MRTFB: variants seen among roughly 807,000 people sequenced by gnomAD.
MRTFB encodes the protein myocardin related transcription factor B, also known as myocardin-related transcription factor B.
MRTFB carries 29 observed loss-of-function variants against 104.2 expected under a neutral mutation model. That is an observed-to-expected ratio of 0.28 (90% confidence interval 0.21 to 0.38). The LOEUF (loss-of-function observed/expected upper bound fraction) is 0.38, where lower values mean the gene tolerates loss of function less well. Ranked by LOEUF, MRTFB falls within the 10% of genes least tolerant of loss-of-function variation. The pLI is 1.00. For missense variants in MRTFB, 1,270 were observed against 1,341.6 expected (o/e 0.95, Z 0.83); for synonymous variants, 535 against 519.5 (o/e 1.03, Z -0.41).
chr16:14,038,684 T>C, the MRTFB span, among the ~76,000 whole-genome samples: 1 of 152,152 alleles, frequency 6.6e-6, no homozygotes, highest in African/African-American at 2.4e-5. Context: ...CTTCAACCAA[T>C]ACACAGTTAT....
intron 3 of MRTFB, among the ~76,000 whole-genome samples, chr16:14,193,268 T>C (rs2040275861): frequency 6.7e-6 from 1 of 148,964 alleles, no homozygotes. Context: ...GTAATCCTAT[T>C]CCGTTGTGTC....
upstream of MRTFB, among the ~76,000 whole-genome samples, chr16:14,067,366 G>A (rs1375087371): frequency 1.3e-5 from 2 of 151,910 alleles, no homozygotes; most frequent in African/African-American, 4.8e-5. Flanking sequence ...GGGATTATAG[G>A]CATGCGCCAC....
rs2041562016 is a variant in MRTFB at position 14,219,026 on chromosome 16, A to G, written c.693+28A>G. On this transcript the variant is annotated intron_variant, in intron 8 of 16. Coordinates refer to ENST00000571589, the MANE Select transcript of MRTFB (RefSeq NM_001308142.2). ...ATTATCTTTCTGGTTTTGACCCCTA[A>G]AGAAAGAAAATGCCTTGTTTTTTTT... The G allele has an allele frequency of 1.9e-6, 3 of 1,548,134 alleles. No homozygotes were observed. In the East Asian group the frequency reaches 6.9e-5, roughly 36 times the overall value.
the MRTFB span, among the ~76,000 whole-genome samples, chr16:14,046,011 G>A: frequency 6.6e-6 from 1 of 152,172 alleles, no homozygotes. Context: ...ACTAAGTCAT[G>A]CGGGATCTGA....
chr16:14,094,988 T>G (rs1389491202), intron 2 of MRTFB, among the ~76,000 whole-genome samples: 1 of 152,200 alleles, frequency 6.6e-6, no homozygotes, highest in Non-Finnish European at 1.5e-5. Context: ...TAAAGCCACT[T>G]TAAACATCAC....
At position 14,263,512 on chromosome 16, in the gene MRTFB, T is replaced by C. The variant is rs1418589144; in HGVS notation, c.*2068T>C. 6.6e-6 allele frequency: 1 copy of C among 152,212 alleles called. No homozygotes were observed. Among genetic ancestry groups the C allele is most frequent in the Non-Finnish European group, 1.5e-5 (1 of 68,040 alleles). The allele number at this position is 152,212 out of a possible 1,614,324, so 9.4% of individuals were successfully genotyped here. The stretch of plus-strand genomic sequence containing the variant: ...TGGCTTATTAAATTAGCACCAAATA[T>C]CAGTGGGACTGTAGAAGGTAACCGA... On this transcript the variant is annotated 3_prime_UTR_variant, in exon 17 of 17. Transcript: ENST00000571589.
rs1283799661 is a variant in MRTFB at position 14,234,247 on chromosome 16, T to C, written c.795T>C (p.Thr265=). The C allele has an allele frequency of 2.5e-6, 4 of 1,614,138 alleles. No individual in the cohort carries two copies. The Admixed American group carries it at 5.0e-5, about 20-fold the overall frequency. ...RPAAPVLPTN[T]VSSAKPGPAL... ...CAGCTCCTGTCCTCCCCACAAACAC[T>C]GTGTCCTCAGCAAAGCCTGGCCCAG... Residue 265 remains threonine (T), a synonymous_variant, in exon 9 of 17, where the codon ACT becomes ACC. Coordinates refer to ENST00000571589, the MANE Select transcript of MRTFB (RefSeq NM_001308142.2).
At chr16:14,010,645 C>T in the MRTFB span, among the ~76,000 whole-genome samples, 71,559 of 151,500 alleles carry the variant, frequency 0.47, 17,179 homozygotes, top group Middle Eastern at 0.62. Flanking sequence ...AGGCTGGTCT[C>T]GAACTCCTGG....
the MRTFB span, chr16:14,019,093 C>T: frequency 6.6e-6 from 1 of 152,386 alleles, no homozygotes; most frequent in African/African-American, 2.4e-5. Flanking sequence ...CAGCATTCTT[C>T]CCTCTGGAAC....
At chr16:14,153,130 T>C (rs1268283131) in intron 3 of MRTFB, 1 of 152,208 alleles carries the variant, frequency 6.6e-6, no homozygotes. Flanking sequence ...AAATAATAAA[T>C]TGCTTAATTG....
intron 3 of MRTFB, among the ~76,000 whole-genome samples, chr16:14,187,624 C>G (rs558956082): frequency 6.6e-6 from 1 of 152,142 alleles, no homozygotes; most frequent in Non-Finnish European, 1.5e-5. Context: ...TAAATACTGT[C>G]GATTATTATT....
At chr16:14,260,664 G>A (rs1471910849) in intron 16 of MRTFB, among the ~76,000 whole-genome samples, 1 of 152,130 alleles carries the variant, frequency 6.6e-6, no homozygotes, top group East Asian at 1.9e-4. Context: ...TGGACAGTCT[G>A]CTGACTAAAT....
chr16:14,042,577 C>A, the MRTFB span, among the ~76,000 whole-genome samples: 1 of 152,186 alleles, frequency 6.6e-6, no homozygotes, highest in East Asian at 1.9e-4. Flanking sequence ...TCCCAAATCA[C>A]AGGGCTCATC....
At chr16:14,138,778 A>G (rs1353498249) in intron 2 of MRTFB, among the ~76,000 whole-genome samples, 1 of 152,236 alleles carries the variant, frequency 6.6e-6, no homozygotes, top group African/African-American at 2.4e-5. Context: ...AGATCTATTT[A>G]TGCATACTCA....
chr16:14,031,126 T>C, the MRTFB span, among the ~76,000 whole-genome samples: 3 of 152,148 alleles, frequency 2.0e-5, no homozygotes, highest in African/African-American at 7.2e-5. Flanking sequence ...GTGCGATAGC[T>C]CATGCCTGTA....
intron 13 of MRTFB, among the ~76,000 whole-genome samples, chr16:14,249,998 C>G (rs569126664): frequency 3.9e-5 from 6 of 152,124 alleles, no homozygotes; most frequent in Non-Finnish European, 5.9e-5. Flanking sequence ...TTGGGGAAAG[C>G]TCGAAATACC....
At chr16:14,154,430 G>C (rs1029914159) in intron 3 of MRTFB, among the ~76,000 whole-genome samples, 1 of 152,170 alleles carries the variant, frequency 6.6e-6, no homozygotes, top group African/African-American at 2.4e-5. Context: ...CTCATAGATA[G>C]CATAGAGCCG....
At chr16:14,068,584 G>T (rs188378635), upstream of MRTFB, among the ~76,000 whole-genome samples, 1 of 152,176 alleles carries the variant, frequency 6.6e-6, no homozygotes, top group Admixed American at 6.5e-5. Flanking sequence ...GTTGCGTGTT[G>T]TGTGTGTCGT....
chr16:14,049,760 T>C, the MRTFB span, among the ~76,000 whole-genome samples: 3 of 152,166 alleles, frequency 2.0e-5, no homozygotes, highest in Admixed American at 2.0e-4. Context: ...TGAGACGGAG[T>C]GTCACTCTTG....
Sources: gnomAD v4.1 joint callset for allele counts (sites outside exome capture counted in the v4.1 genomes callset) on GRCh38, gnomAD v4.1.1 for gene constraint, MANE v1.5 for transcripts, NCBI Gene and HGNC (gene_info 2026-07-23, HGNC 2026-07-21) for gene names.